The following FAM98B variants were observed in gnomAD, a reference collection of about 807,000 sequenced individuals.
FAM98B encodes tRNA splicing ligase complex subunit 3B, also known as tRNA-splicing ligase complex subunit FAM98B.
In FAM98B, 32 loss-of-function variants were observed where a neutral mutation model predicts 43.9. That is an observed-to-expected ratio of 0.73 (90% confidence interval 0.55 to 0.98). The LOEUF (loss-of-function observed/expected upper bound fraction) is 0.98, where lower values mean the gene tolerates loss of function less well. Ranked by LOEUF, FAM98B falls within the 50% of genes least tolerant of loss-of-function variation. FAM98B has a pLI of 0.00. For missense variants in FAM98B, 514 were observed against 522.9 expected, an observed-to-expected ratio of 0.98 and a Z score of 0.17; for synonymous variants, 190 against 174.0, an observed-to-expected ratio of 1.09 and a Z score of -0.72.
intron 1 of FAM98B, among the ~76,000 whole-genome samples, chr15:38,457,889 A>G (rs1422742877): frequency 1.3e-5 from 2 of 152,120 alleles, no homozygotes; most frequent in African/African-American, 2.4e-5. Context: ...AACTCCTACT[A>G]TCTGACCTTA....
At chr15:38,468,796 T>G (rs1487166083) in intron 3 of FAM98B, among the ~76,000 whole-genome samples, 1 of 152,226 alleles carries the variant, frequency 6.6e-6, no homozygotes, top group African/African-American at 2.4e-5. Context: ...CCCTGGCACC[T>G]GTACTTTTAA....
chr15:38,478,016 A>T (rs1890230239), intron 6 of FAM98B, among the ~76,000 whole-genome samples: 1 of 152,218 alleles, frequency 6.6e-6, no homozygotes, highest in Non-Finnish European at 1.5e-5. Context: ...TTTAATGAGA[A>T]AAAGGAACGT....
chr15:38,463,491 A>AAAAATAAAATAAAATAAAAT lies in FAM98B; in HGVS notation c.72-514_72-495dup, dbSNP rs10682998. Among the ~76,000 whole-genome samples, 361 of 140,836 alleles carry AAAAATAAAATAAAATAAAAT rather than the reference A, an allele frequency of 2.6e-3. 3 individuals carry two copies. The highest frequency in any genetic ancestry group is 0.012 in the South Asian group (51 of 4,338). 92.4% of individuals were successfully genotyped at this position (140,836 alleles called of 152,430 possible). ...GGGTGACAGAGTGAGACCCTGCCTC[A>AAAAATAAAATAAAATAAAAT]AAAATAAAATAAAATAAAATAAAAT... On this transcript the variant is annotated intron_variant, in intron 1 of 7. Coordinates refer to ENST00000397609, the MANE Select transcript of FAM98B (RefSeq NM_173611.4).
In FAM98B at chr15:38,485,271, C is replaced by A. The variant is rs1353864760; in HGVS notation, c.*612C>A. On this transcript the variant is annotated 3_prime_UTR_variant, in exon 8 of 8. Coordinates refer to ENST00000397609, the MANE Select transcript of FAM98B (RefSeq NM_173611.4). ...CCAAGTTTACTTTTTACTGTACATA[C>A]TTATTTTCTAATTGGATTTGAAATC... 6.6e-6 allele frequency: 1 copy of A among 152,136 alleles called. No homozygotes were observed. Among genetic ancestry groups the A allele is most frequent in the Admixed American group, 6.5e-5 (1 of 15,278 alleles). The allele number at this position is 152,136 out of a possible 1,614,324, so 9.4% of individuals were successfully genotyped here. A position where few individuals can be genotyped will look rare whatever the true frequency, so the allele number is the denominator to read the frequency against.
intron 4 of FAM98B, among the ~76,000 whole-genome samples, chr15:38,471,321 C>G (rs987997948): frequency 6.6e-6 from 1 of 151,798 alleles, no homozygotes; most frequent in African/African-American, 2.4e-5. Context: ...ACTTGCAAAC[C>G]AGAGAGTAAG....
intron 4 of FAM98B, among the ~76,000 whole-genome samples, chr15:38,472,071 C>T (rs1246135382): frequency 6.6e-6 from 1 of 152,100 alleles, no homozygotes; most frequent in Non-Finnish European, 1.5e-5. Flanking sequence ...TGGTGGTAGA[C>T]CTGAGGTTTA....
intron 2 of FAM98B, among the ~76,000 whole-genome samples, chr15:38,464,654 C>G (rs1890000140): frequency 6.6e-6 from 1 of 152,088 alleles, no homozygotes; most frequent in South Asian, 2.1e-4. Context: ...TAGTTCATTA[C>G]CATCTTAGTA....
chr15:38,461,653 T>C (rs1231030037), intron 1 of FAM98B, among the ~76,000 whole-genome samples: 2 of 152,152 alleles, frequency 1.3e-5, no homozygotes, highest in Non-Finnish European at 2.9e-5. Context: ...TTGAAAATAC[T>C]TGTACTTACC....
chr15:38,478,884 T>C (rs998589293), intron 6 of FAM98B, among the ~76,000 whole-genome samples: 1 of 152,258 alleles, frequency 6.6e-6, no homozygotes, highest in Non-Finnish European at 1.5e-5. Context: ...TTTTCCAATA[T>C]CTCTAAAAAC....
At chr15:38,457,081 TGAAA>T (rs1358845077) in intron 1 of FAM98B, among the ~76,000 whole-genome samples, 3 of 152,228 alleles carry the variant, frequency 2.0e-5, no homozygotes, top group Non-Finnish European at 2.9e-5. Context: ...TAATAGTCTG[TGAAA>T]GAAATGATGG....
chr15:38,487,211 C>A lies in FAM98B; in HGVS notation c.*2552C>A, dbSNP rs1890391018. 1 of 152,094 alleles carries A rather than the reference C, an allele frequency of 6.6e-6. No homozygotes were observed. The highest frequency in any genetic ancestry group is 1.5e-5 in the Non-Finnish European group (1 of 67,972). 9.4% of individuals were successfully genotyped at this position (152,094 alleles called of 1,614,324 possible). On this transcript the variant is annotated 3_prime_UTR_variant, in exon 8 of 8. Coordinates refer to ENST00000397609, the MANE Select transcript of FAM98B (RefSeq NM_173611.4). ...AAGGGAAACAAGGGTTTTCTTTGAA[C>A]TTACTTTTGTTTTGCAGATCAGGGA...
intron 3 of FAM98B, among the ~76,000 whole-genome samples, chr15:38,468,291 G>A (rs1183892033): frequency 1.3e-5 from 2 of 151,974 alleles, no homozygotes; most frequent in Non-Finnish European, 2.9e-5. Flanking sequence ...GCTGGAGTGT[G>A]ATGGTGCGAT....
chr15:38,458,691 TA>T, intron 1 of FAM98B: 1 of 207,506 alleles, frequency 4.8e-6, no homozygotes, highest in East Asian at 1.4e-4. Context: ...CAGGTGATCC[TA>T]AAGGCACAGC....
At position 38,454,132 on chromosome 15, in the gene FAM98B, G is replaced by A. The variant is rs1419372411; in HGVS notation, c.-30G>A. The A allele has an allele frequency of 1.9e-6, 3 of 1,578,704 alleles. No homozygotes were observed. Among genetic ancestry groups the A allele is most frequent in the South Asian group, 2.3e-5 (2 of 85,950 alleles). On this transcript the variant is annotated 5_prime_UTR_variant, in exon 1 of 8. Coordinates refer to ENST00000397609, the MANE Select transcript of FAM98B (RefSeq NM_173611.4). ...ACGCTAGTTTCCGGCGGGCTACTTA[G>A]AGCGCCGAACAGCTCTGGGCCAAAG...
intron 6 of FAM98B, among the ~76,000 whole-genome samples, chr15:38,479,307 A>G (rs1474929768): frequency 6.6e-6 from 1 of 152,194 alleles, no homozygotes; most frequent in Non-Finnish European, 1.5e-5. Context: ...AGTGGTTTTT[A>G]GTCTGTTCAC....
chr15:38,475,255 A>G (rs1890179522), intron 6 of FAM98B, among the ~76,000 whole-genome samples: 1 of 152,028 alleles, frequency 6.6e-6, no homozygotes, highest in South Asian at 2.1e-4. Flanking sequence ...TCAGATCATC[A>G]GGCATTAGCT....
intron 1 of FAM98B, among the ~76,000 whole-genome samples, chr15:38,456,802 T>A (rs1889855700): frequency 6.6e-6 from 1 of 152,130 alleles, no homozygotes; most frequent in Admixed American, 6.5e-5. Context: ...CTTTGAAATG[T>A]GAAGGAGCTT....
chr15:38,479,752 G>A (rs1010530963), intron 6 of FAM98B, among the ~76,000 whole-genome samples: 4 of 152,000 alleles, frequency 2.6e-5, no homozygotes, highest in African/African-American at 9.7e-5. Flanking sequence ...TTCCTTAAAG[G>A]AAATTTACTG....
Position 38,474,242 on chromosome 15 carries a change from T to A in FAM98B, c.673T>A (p.Leu225Ile). The A allele has an allele frequency of 6.2e-7, 1 of 1,613,870 alleles. No homozygotes were observed. The highest frequency in any genetic ancestry group is 8.5e-7 in the Non-Finnish European group (1 of 1,179,808). ...TGAATATGAGTGCCGCCGACGAATG[T>A]TAATGAAACGATTAGATGTGACTGT... ...SCEYECRRRM[L>I]MKRLDVTVQS... is the part of the protein sequence containing the mutation. Residue 225 changes from leucine (L) to isoleucine (I), a missense_variant, in exon 6 of 8, where the codon TTA (leucine) becomes ATA (isoleucine). This residue lies in a region of FAM98B where 469 missense variants were observed against 451.8 expected (regional missense o/e 1.04). Transcript: ENST00000397609.
Sources: gnomAD v4.1 joint callset for allele counts (sites outside exome capture counted in the v4.1 genomes callset) on GRCh38, gnomAD v4.1.1 for gene constraint, gnomAD v4.1.1 regional missense constraint, MANE v1.5 for transcripts, NCBI Gene and HGNC (gene_info 2026-07-23, HGNC 2026-07-21) for gene names.